The following SOCS6 variants were observed in gnomAD, a reference collection of about 807,000 sequenced individuals.
The protein encoded by SOCS6 is suppressor of cytokine signaling 6.
In SOCS6, 5 loss-of-function variants were observed where a neutral mutation model predicts 27.7. That is an observed-to-expected ratio of 0.18 (90% CI 0.09 to 0.38). The LOEUF (loss-of-function observed/expected upper bound fraction) is 0.38. SOCS6 is among the 10% of genes least tolerant of loss of function. The pLI, the probability that SOCS6 is intolerant of heterozygous loss-of-function variation, is 1.00. For synonymous variants in SOCS6, 271 were observed against 260.0 expected (o/e 1.04, Z -0.41); for missense variants, 595 against 688.1 (o/e 0.86, Z 1.51).
At chr18:70,311,101 G>A (rs2062389041) in intron 1 of SOCS6, among the ~76,000 whole-genome samples, 2 of 152,150 alleles carry the variant, frequency 1.3e-5, no homozygotes, top group South Asian at 4.1e-4. Flanking sequence ...CCTGGTCTGA[G>A]TTAGGTGTGG....
intron 1 of SOCS6, among the ~76,000 whole-genome samples, chr18:70,317,300 A>G (rs981697959): frequency 3.9e-5 from 6 of 152,000 alleles, no homozygotes; most frequent in Admixed American, 3.3e-4. Flanking sequence ...AGAACATACG[A>G]TGTTTGATTT....
At position 70,326,360 on chromosome 18, in the gene SOCS6, A is replaced by G; in HGVS notation, c.*84A>G. 3.4e-6 allele frequency: 4 copies of G among 1,184,316 alleles called. No homozygotes were observed. The highest frequency in any genetic ancestry group is 4.8e-6 in the Non-Finnish European group (4 of 834,138). 73.4% of individuals were successfully genotyped at this position (1,184,316 alleles called of 1,614,324 possible). A position where few individuals can be genotyped will look rare whatever the true frequency, so the allele number is the denominator to read the frequency against. On this transcript the variant is annotated 3_prime_UTR_variant, in exon 2 of 2. Coordinates refer to ENST00000397942, the MANE Select transcript of SOCS6 (RefSeq NM_004232.4). ...TTTACAAACTTTCATTGCCATCAAA[A>G]TCTTTTGCTGCCATAACTATTTCAG...
At chr18:70,306,189 C>T (rs2062368461) in intron 1 of SOCS6, among the ~76,000 whole-genome samples, 1 of 152,066 alleles carries the variant, frequency 6.6e-6, no homozygotes, top group South Asian at 2.1e-4. Flanking sequence ...GTGATCATGC[C>T]ACTGCACCCC....
chr18:70,305,132 G>A (rs901962126), intron 1 of SOCS6, among the ~76,000 whole-genome samples: 24 of 90 alleles, frequency 0.27, no homozygotes, highest in African/African-American at 0.4. Context: ...GTTTGAAGCC[G>A]GGAGGTGGGA....
rs369828982 is a variant in SOCS6 at position 70,295,940 on chromosome 18, G to A, written c.-127+6850G>A. Among the ~76,000 whole-genome samples the A allele has an allele frequency of 5.3e-5, 8 of 152,228 alleles. No homozygotes were observed. The East Asian group carries it at 9.6e-4, about 18-fold the overall frequency. ...CCTGGGAACTGGGGAGTTTGGATTC[G>A]TGTCTTCCTGGAGGATGTTACAGTT... On this transcript the variant is annotated intron_variant, in intron 1 of 1. Coordinates refer to ENST00000397942, the MANE Select transcript of SOCS6 (RefSeq NM_004232.4).
intron 1 of SOCS6, among the ~76,000 whole-genome samples, chr18:70,296,202 C>G (rs879567542): frequency 2.6e-5 from 4 of 151,834 alleles, no homozygotes; most frequent in Non-Finnish European, 5.9e-5. Flanking sequence ...TTTTTTTGAG[C>G]CTTGTGTGTC....
intron 1 of SOCS6, among the ~76,000 whole-genome samples, chr18:70,289,310 AGGGCCGGGGAACGG>A (rs1400708427): frequency 1.4e-5 from 2 of 147,640 alleles, no homozygotes; most frequent in Non-Finnish European, 3.0e-5. Flanking sequence ...GGCGGGGGCC[AGGGCCGGGGAACGG>A]GGGCCGGGGC....
At chr18:70,317,601 T>G (rs1159694685) in intron 1 of SOCS6, among the ~76,000 whole-genome samples, 1 of 150,450 alleles carries the variant, frequency 6.6e-6, no homozygotes, top group African/African-American at 2.4e-5. Context: ...CTTTATCCAC[T>G]CATTGGTTGA....
At position 70,325,733 on chromosome 18, in the gene SOCS6, A is replaced by G. The variant is rs1277715809; in HGVS notation, c.1065A>G (p.Ala355=). Residue 355 remains alanine, a synonymous_variant, in exon 2 of 2, where the codon GCA becomes GCG. Coordinates refer to ENST00000397942, the MANE Select transcript of SOCS6 (RefSeq NM_004232.4). This position sits in a 1 kb window ranked among gnomAD's most constrained non-coding sequence, Gnocchi z 6.3. ...NFDPNSAPGV[A]RVYDSVQSSG... ...ATCCGAACTCTGCTCCTGGGGTTGC[A>G]AGAGTTTATGACTCAGTGCAAAGTA... The G allele has an allele frequency of 5.6e-6, 9 of 1,614,246 alleles. No homozygotes were observed. The highest frequency in any genetic ancestry group is 7.6e-6 in the Non-Finnish European group (9 of 1,180,036).
rs992005287 is a variant in SOCS6 at position 70,329,826 on chromosome 18, T to C, written c.*3550T>C. 3 of 167,056 alleles carry C rather than the reference T, an allele frequency of 1.8e-5. No homozygotes were observed. Among genetic ancestry groups the C allele is most frequent in the African/African-American group, 2.4e-5 (1 of 41,460 alleles). The allele number at this position is 167,056 out of a possible 1,614,324, so 10.3% of individuals were successfully genotyped here. On this transcript the variant is annotated 3_prime_UTR_variant, in exon 2 of 2. Coordinates refer to ENST00000397942, the MANE Select transcript of SOCS6 (RefSeq NM_004232.4). ...ATTAATCAGTCATAACATGGCGAAG[T>C]GTGTAGTTGCTGTTTCTGAAAAGTG...
In SOCS6 at chr18:70,327,999, G is replaced by A. The variant is rs1222354007; in HGVS notation, c.*1723G>A. 6.0e-6 allele frequency: 1 copy of A among 166,982 alleles called. No individual in the cohort carries two copies. Among genetic ancestry groups the A allele is most frequent in the African/African-American group, 2.4e-5 (1 of 41,440 alleles). 10.3% of individuals were successfully genotyped at this position (166,982 alleles called of 1,614,324 possible). A position where few individuals can be genotyped will look rare whatever the true frequency, so the allele number is the denominator to read the frequency against. ...TGTTATGGTATTTTGACTTAAAGGG[G>A]AAAAGGTACTTAATTTTGGTGGGAT... On this transcript the variant is annotated 3_prime_UTR_variant, in exon 2 of 2. Transcript: ENST00000397942.
intron 1 of SOCS6, among the ~76,000 whole-genome samples, chr18:70,321,312 GTTTTTTTTT>G (rs763120236): frequency 1.5e-4 from 10 of 68,692 alleles, no homozygotes; most frequent in East Asian, 1.2e-3. Context: ...AATTTTCTCA[GTTTTTTTTT>G]TTTTTTTTTT....
rs1052533980 is a variant in SOCS6 at position 70,328,438 on chromosome 18, C to T, written c.*2162C>T. 9 of 166,518 alleles carry T rather than the reference C, an allele frequency of 5.4e-5. No homozygotes were observed. The highest frequency in any genetic ancestry group is 7.3e-5 in the Non-Finnish European group (5 of 68,112). The allele number at this position is 166,518 out of a possible 1,614,324, so 10.3% of individuals were successfully genotyped here. A position where few individuals can be genotyped will look rare whatever the true frequency, so the allele number is the denominator to read the frequency against. On this transcript the variant is annotated 3_prime_UTR_variant, in exon 2 of 2. Transcript: ENST00000397942. Reference sequence around the variant, plus strand: ...TTATGTGGACATAACCTATTCCCTTCGTTTTCTCATCATGCCATGTGTTTA... The same window carrying T: ...TTATGTGGACATAACCTATTCCCTTTGTTTTCTCATCATGCCATGTGTTTA...
chr18:70,319,826 C>T (rs1226887942), intron 1 of SOCS6, among the ~76,000 whole-genome samples: 1 of 152,086 alleles, frequency 6.6e-6, no homozygotes, highest in Non-Finnish European at 1.5e-5. Flanking sequence ...CACTAGCTAA[C>T]TAGCTCCTTT....
At chr18:70,313,425 A>G (rs922382479) in intron 1 of SOCS6, among the ~76,000 whole-genome samples, 4 of 144,464 alleles carry the variant, frequency 2.8e-5, no homozygotes, top group African/African-American at 2.4e-5. Context: ...TATGGATTCA[A>G]GGTTTTATGT....
chr18:70,300,470 AC>A (rs1201511461), intron 1 of SOCS6, among the ~76,000 whole-genome samples: 2 of 152,230 alleles, frequency 1.3e-5, no homozygotes, highest in Non-Finnish European at 2.9e-5. Context: ...AAGCATTTTT[AC>A]ATGATTGACG....
At chr18:70,312,931 G>A (rs1316012070) in intron 1 of SOCS6, among the ~76,000 whole-genome samples, 2 of 151,758 alleles carry the variant, frequency 1.3e-5, no homozygotes, top group African/African-American at 2.4e-5. Context: ...AGTGCCACGC[G>A]CCACCATGCC....
At chr18:70,293,183 T>C (rs971951138) in intron 1 of SOCS6, among the ~76,000 whole-genome samples, 4 of 152,116 alleles carry the variant, frequency 2.6e-5, no homozygotes, top group African/African-American at 9.7e-5. Flanking sequence ...GGTTTTCATG[T>C]TGTTATCTAC....
At chr18:70,317,543 T>A (rs117101121) in intron 1 of SOCS6, among the ~76,000 whole-genome samples, 78,370 of 141,758 alleles carry the variant, frequency 0.55, 21,551 homozygotes, top group East Asian at 0.78. Flanking sequence ...TATACACACT[T>A]CATATATACA....
Sources: allele counts gnomAD v4.1 joint callset (sites outside exome capture counted in the v4.1 genomes callset), GRCh38; gene constraint gnomAD v4.1.1; non-coding constraint Gnocchi (gnomAD v3.1); transcripts MANE v1.5; gene names NCBI Gene and HGNC (gene_info 2026-07-23, HGNC 2026-07-21).